Variants in NOX3 observed in about 807,000 individuals in gnomAD.
NOX3 encodes NADPH oxidase 3, also known as NADPH oxidase catalytic subunit-like 3.
NOX3 carries 74 observed loss-of-function variants against 76.7 expected under a neutral mutation model. The observed-to-expected ratio is 0.96, with a 90% CI of 0.80 to 1.17. The LOEUF (loss-of-function observed/expected upper bound fraction) is 1.17, where lower values mean the gene tolerates loss of function less well. NOX3 is among the 50% of genes most tolerant of loss of function. The pLI, the probability that NOX3 is intolerant of heterozygous loss-of-function variation, is 0.00. For missense variants in NOX3, 695 were observed against 703.3 expected (o/e 0.99, Z 0.13); for synonymous variants, 263 against 261.1 (o/e 1.01, Z -0.07).
At chr6:155,439,576 G>A (rs181184370) in intron 6 of NOX3, among the ~76,000 whole-genome samples, 2 of 152,196 alleles carry the variant, frequency 1.3e-5, no homozygotes, top group Non-Finnish European at 2.9e-5. Flanking sequence ...CCTAGTTGAC[G>A]GTTTTGGTTA....
intron 10 of NOX3, among the ~76,000 whole-genome samples, chr6:155,422,137 A>T (rs140455506): frequency 6.6e-6 from 1 of 152,304 alleles, no homozygotes; most frequent in African/African-American, 2.4e-5. Context: ...AGAGGGTCCA[A>T]GTATCGGATG....
rs888721578 is a variant in NOX3 at position 155,415,801 on chromosome 6, G to A, written c.1309-4441C>T. On this transcript the variant is annotated intron_variant, in intron 10 of 13. Transcript: ENST00000159060. ...GTTTTACTGAAGCATTTAATGCAAC[G>A]TCTGGCAGACACAGTAAGTGCTCAG... is the stretch of plus-strand genomic sequence containing the variant. 6.6e-5 allele frequency among the ~76,000 whole-genome samples: 10 copies of A among 152,240 alleles called. 1 individual carries two copies. The highest frequency in any genetic ancestry group is 9.6e-5 in the African/African-American group (4 of 41,466).
chr6:155,438,066 T>C (rs12191893), intron 6 of NOX3, among the ~76,000 whole-genome samples: 33,737 of 152,138 alleles, frequency 0.22, 4,462 homozygotes, highest in Non-Finnish European at 0.29. Context: ...CTCTTGTGCT[T>C]CTACAATGCA....
chr6:155,447,583 T>C (rs1386291801), intron 4 of NOX3, among the ~76,000 whole-genome samples: 1 of 152,206 alleles, frequency 6.6e-6, no homozygotes, highest in East Asian at 1.9e-4. Flanking sequence ...CTGAGGGAAT[T>C]TGTAAAAACT....
At chr6:155,411,802 C>T (rs1316341833) in intron 10 of NOX3, among the ~76,000 whole-genome samples, 2 of 152,182 alleles carry the variant, frequency 1.3e-5, no homozygotes, top group African/African-American at 4.8e-5. Flanking sequence ...GACACTAATC[C>T]ACTTCACTAG....
chr6:155,442,571 G>T (rs1441714877), intron 5 of NOX3, among the ~76,000 whole-genome samples: 1 of 152,154 alleles, frequency 6.6e-6, no homozygotes, highest in African/African-American at 2.4e-5. Flanking sequence ...CCAATATGGT[G>T]GTATGTGGAA....
intron 5 of NOX3, among the ~76,000 whole-genome samples, chr6:155,441,130 A>G (rs1025053411): frequency 6.6e-6 from 1 of 152,116 alleles, no homozygotes; most frequent in Non-Finnish European, 1.5e-5. Flanking sequence ...ACAGCAGTTT[A>G]TTTTCATTGT....
intron 12 of NOX3, among the ~76,000 whole-genome samples, chr6:155,398,720 G>A (rs1282869227): frequency 6.6e-6 from 1 of 152,196 alleles, no homozygotes; most frequent in Non-Finnish European, 1.5e-5. Flanking sequence ...GAAATAAAAG[G>A]CAATGGTTAA....
At chr6:155,429,644 C>T (rs1004942798) in intron 8 of NOX3, among the ~76,000 whole-genome samples, 1 of 152,150 alleles carries the variant, frequency 6.6e-6, no homozygotes, top group Non-Finnish European at 1.5e-5. Flanking sequence ...GACAAGGTTT[C>T]TAGTAGTGTT....
intron 11 of NOX3, among the ~76,000 whole-genome samples, chr6:155,408,232 C>T (rs777676052): frequency 3.4e-4 from 52 of 152,150 alleles, no homozygotes; most frequent in Non-Finnish European, 3.5e-4. Flanking sequence ...ATGATCCACC[C>T]GCCTTGGCCT....
chr6:155,398,263 G>A (rs763855126), intron 12 of NOX3, among the ~76,000 whole-genome samples: 19 of 150,802 alleles, frequency 1.3e-4, no homozygotes, highest in East Asian at 9.8e-4. Context: ...TGAGGATCTC[G>A]GGTGGTGTTG....
intron 12 of NOX3, among the ~76,000 whole-genome samples, chr6:155,402,865 C>A (rs1779249962): frequency 1.3e-5 from 2 of 152,166 alleles, no homozygotes; most frequent in South Asian, 2.1e-4. Flanking sequence ...GAACAAAGAA[C>A]CTTTTCTGAG....
intron 6 of NOX3, among the ~76,000 whole-genome samples, chr6:155,437,718 T>C (rs553555436): frequency 4.1e-4 from 62 of 152,352 alleles, no homozygotes; most frequent in Non-Finnish European, 4.9e-4. Context: ...GCATTCCCCA[T>C]AGTGTCTAAA....
intron 10 of NOX3, among the ~76,000 whole-genome samples, chr6:155,414,096 T>C (rs1172685602): frequency 1.3e-5 from 2 of 152,214 alleles, no homozygotes; most frequent in African/African-American, 4.8e-5. Context: ...CCTCCGTAAT[T>C]GACTTGTAAG....
At chr6:155,406,524 C>A (rs1776463360) in intron 12 of NOX3, among the ~76,000 whole-genome samples, 1 of 152,176 alleles carries the variant, frequency 6.6e-6, no homozygotes, top group Non-Finnish European at 1.5e-5. Flanking sequence ...GTGCTTCTTG[C>A]AAACTCCATA....
chr6:155,426,666 A>G (rs2114692533), intron 9 of NOX3, among the ~76,000 whole-genome samples: 1 of 152,232 alleles, frequency 6.6e-6, no homozygotes, highest in South Asian at 2.1e-4. Flanking sequence ...AACAACAAGA[A>G]AGCTGGAAGA....
chr6:155,398,961 G>A (rs1278578019), intron 12 of NOX3, among the ~76,000 whole-genome samples: 1 of 152,192 alleles, frequency 6.6e-6, no homozygotes, highest in South Asian at 2.1e-4. Context: ...CCACGCGATG[G>A]CTATTGGTGT....
intron 12 of NOX3, among the ~76,000 whole-genome samples, chr6:155,399,925 C>T (rs747795324): frequency 1.3e-4 from 20 of 152,178 alleles, no homozygotes; most frequent in Non-Finnish European, 2.5e-4. Flanking sequence ...AGCTTGCACA[C>T]GCATGGGGGA....
intron 5 of NOX3, among the ~76,000 whole-genome samples, chr6:155,440,512 G>C (rs903649068): frequency 6.6e-6 from 1 of 151,806 alleles, no homozygotes; most frequent in Non-Finnish European, 1.5e-5. Context: ...ATGGTGGTTT[G>C]AGCCTATAGT....
Sources: gnomAD v4.1 joint callset for allele counts (sites outside exome capture counted in the v4.1 genomes callset) on GRCh38, gnomAD v4.1.1 for gene constraint, MANE v1.5 for transcripts, NCBI Gene and HGNC (gene_info 2026-07-23, HGNC 2026-07-21) for gene names.